Variants in NEK4 observed in about 807,000 individuals in gnomAD.
The protein encoded by NEK4 is NIMA related kinase 4.
NEK4 carries 86 observed loss-of-function variants against 98.4 expected under a neutral mutation model. The ratio of observed to expected loss-of-function variants is 0.87; its 90% CI spans 0.73 to 1.05. The LOEUF is 1.05. Ranked by LOEUF, NEK4 falls within the 50% of genes least tolerant of loss-of-function variation. The pLI, the probability that NEK4 is intolerant of heterozygous loss-of-function variation, is 0.00. For synonymous variants in NEK4, 328 were observed against 342.2 expected (o/e 0.96, Z 0.46); for missense variants, 898 against 950.3 (o/e 0.94, Z 0.72).
intron 15 of NEK4, among the ~76,000 whole-genome samples, chr3:52,736,814 T>TA (rs906329398): frequency 1.8e-4 from 27 of 152,070 alleles, no homozygotes; most frequent in Admixed American, 3.3e-4. Flanking sequence ...AAATTTCATT[T>TA]AAAAAAAAGA....
intron 15 of NEK4, among the ~76,000 whole-genome samples, chr3:52,729,304 C>T (rs192741704): frequency 5.9e-5 from 9 of 152,044 alleles, no homozygotes; most frequent in East Asian, 3.9e-4. Context: ...CTCAGCTGGC[C>T]GACATTTATG....
intron 15 of NEK4, among the ~76,000 whole-genome samples, chr3:52,718,366 G>A (rs1329748964): frequency 1.3e-5 from 2 of 151,036 alleles, no homozygotes; most frequent in Admixed American, 6.6e-5. Context: ...CCAGCTACTC[G>A]GTAGGATGAG....
chr3:52,753,428 G>A (rs1285333305), intron 6 of NEK4: 1 of 367,974 alleles, frequency 2.7e-6, no homozygotes, highest in African/African-American at 2.1e-5. Context: ...TGAAGGCACA[G>A]AGGTGAGGCA....
intron 12 of NEK4, among the ~76,000 whole-genome samples, 182 bp from the exon 13 acceptor site, chr3:52,741,681 G>A (rs910848925): frequency 6.6e-6 from 1 of 152,054 alleles, no homozygotes; most frequent in Non-Finnish European, 1.5e-5. Context: ...AAACATTGAA[G>A]TGATTTTACC....
At chr3:52,733,638 C>T (rs1446030488) in intron 15 of NEK4, 6 of 488,290 alleles carry the variant, frequency 1.2e-5, no homozygotes, top group Non-Finnish European at 2.0e-5. Flanking sequence ...AGCAAGCATT[C>T]AGGACTTATG....
intron 15 of NEK4, among the ~76,000 whole-genome samples, chr3:52,714,254 G>C (rs946834059): frequency 6.6e-6 from 1 of 152,200 alleles, no homozygotes; most frequent in East Asian, 1.9e-4. Context: ...TGGAAACGGT[G>C]CTAAGAGAAA....
At chr3:52,754,074 ATC>A in intron 6 of NEK4, 2 of 247,092 alleles carry the variant, frequency 8.1e-6, no homozygotes, top group South Asian at 5.0e-5. Context: ...GAGGCAGGAG[ATC>A]ACTTGAACCC....
chr3:52,739,962 G>A (rs1464532442), intron 13 of NEK4, among the ~76,000 whole-genome samples: 1 of 152,194 alleles, frequency 6.6e-6, no homozygotes, highest in Non-Finnish European at 1.5e-5. Flanking sequence ...ACAGAGTTCA[G>A]AACAACCACT....
At chr3:52,742,757 G>A (rs2097388769) in intron 12 of NEK4, among the ~76,000 whole-genome samples, 1 of 152,098 alleles carries the variant, frequency 6.6e-6, no homozygotes, top group African/African-American at 2.4e-5. Context: ...CCTAGTGCAA[G>A]CCCTTAGAAA....
chr3:52,721,599 G>A (rs1362782310), intron 15 of NEK4, among the ~76,000 whole-genome samples: 1 of 152,014 alleles, frequency 6.6e-6, no homozygotes, highest in East Asian at 1.9e-4. Context: ...AGCTAAGTGT[G>A]GTGGGGCACG....
intron 6 of NEK4, among the ~76,000 whole-genome samples, chr3:52,755,026 G>C (rs964890240): frequency 1.4e-4 from 21 of 148,102 alleles, no homozygotes; most frequent in African/African-American, 5.3e-4. Context: ...GTGAGCCAAG[G>C]TCGCACCACT....
chr3:52,751,109 G>A (rs2097404137), intron 7 of NEK4, among the ~76,000 whole-genome samples: 2 of 152,000 alleles, frequency 1.3e-5, no homozygotes, highest in Admixed American at 6.6e-5. Flanking sequence ...TCGGGAGTTC[G>A]AGACCAGCCT....
intron 15 of NEK4, among the ~76,000 whole-genome samples, chr3:52,725,965 TC>T (rs1481223303): frequency 1.8e-4 from 27 of 152,258 alleles, no homozygotes; most frequent in African/African-American, 6.5e-4. Context: ...CTATATGCTA[TC>T]TATAAGAGAC....
intron 15 of NEK4, among the ~76,000 whole-genome samples, chr3:52,716,437 G>A (rs1481310817): frequency 6.6e-6 from 1 of 152,186 alleles, no homozygotes; most frequent in Non-Finnish European, 1.5e-5. Context: ...TTCAACTGAC[G>A]TCGTATGAAG....
In NEK4 at chr3:52,737,730, A is replaced by T. The variant is rs2097378648; in HGVS notation, c.2300-11T>A. On this transcript the variant is annotated splice_polypyrimidine_tract_variant and intron_variant, in intron 14 of 15. Transcript: ENST00000233027. The stretch of plus-strand genomic sequence containing the variant: ...AACCTGGCATAATAGCTAAAAGGCA[A>T]CAACAAAGACAAAGGGAAAAATAAA... 6.3e-7 allele frequency: 1 copy of T among 1,590,764 alleles called. No homozygotes were observed. The highest frequency in any genetic ancestry group is 8.6e-7 in the Non-Finnish European group (1 of 1,168,376).
chr3:52,768,173 A>C (rs1259696353), intron 2 of NEK4, among the ~76,000 whole-genome samples, 165 bp downstream of exon 2: 3 of 152,250 alleles, frequency 2.0e-5, no homozygotes, highest in Non-Finnish European at 2.9e-5. Context: ...CTTACTTAGA[A>C]AAGTTCCAAT....
intron 11 of NEK4, 82 bp downstream of exon 11, chr3:52,744,157 C>G: frequency 1.0e-6 from 1 of 988,870 alleles, no homozygotes; most frequent in Non-Finnish European, 1.6e-6. Context: ...AAGTTTCAAC[C>G]TCTCATAGTT....
chr3:52,732,819 G>A (rs953468292), intron 15 of NEK4: 10 of 237,034 alleles, frequency 4.2e-5, no homozygotes, highest in African/African-American at 2.3e-4. Context: ...GGCAGGGAAT[G>A]CATCAAAGGT....
At position 52,768,409 on chromosome 3, in the gene NEK4, C is replaced by T. The variant is rs1698655543; in HGVS notation, c.289G>A (p.Glu97Lys). 1 of 1,613,988 alleles carries T rather than the reference C, an allele frequency of 6.2e-7. No individual in the cohort carries two copies. Among genetic ancestry groups the T allele is most frequent in the Non-Finnish European group, 8.5e-7 (1 of 1,179,992 alleles). Residue 97 changes from glutamate (E) to lysine (K), a missense_variant, in exon 2 of 16, where the codon GAG becomes AAG. Physicochemically the swap from Glu to Lys is moderately conservative, Grantham distance 56. Transcript: ENST00000233027. ...EGGDLYRKLK[E>K]QKGQLLPENQ... ...TCAGGCAGAAGCTGCCCTTTCTGCT[C>T]CTTGAGCTTTCGGTACAAATCACCT...
Sources: allele counts gnomAD v4.1 joint callset (sites outside exome capture counted in the v4.1 genomes callset), GRCh38; gene constraint gnomAD v4.1.1; transcripts MANE v1.5; gene names NCBI Gene and HGNC (gene_info 2026-07-23, HGNC 2026-07-21).